RIPK4: variants seen among roughly 807,000 people sequenced by gnomAD.
RIPK4 encodes receptor-interacting serine/threonine-protein kinase 4.
A neutral mutation model predicts 42.9 loss-of-function variants in RIPK4; 17 were observed. That is an observed-to-expected ratio of 0.40 (90% CI 0.27 to 0.59). The LOEUF (loss-of-function observed/expected upper bound fraction) is 0.59. Ranked by LOEUF, RIPK4 falls within the 20% of genes least tolerant of loss-of-function variation. The pLI is 0.47. For synonymous variants in RIPK4, 498 were observed against 499.1 expected, an observed-to-expected ratio of 1.00 and a Z score of 0.03; for missense variants, 897 against 1,104.4, an observed-to-expected ratio of 0.81 and a Z score of 2.66.
intron 7 of RIPK4, among the ~76,000 whole-genome samples, chr21:41,743,393 G>A (rs754195739): frequency 1.3e-5 from 2 of 152,280 alleles, no homozygotes; most frequent in Non-Finnish European, 2.9e-5. Context: ...GGTTTGCAAA[G>A]GTGGCCTGGT....
At chr21:41,758,650 C>T (rs1340836492) in intron 1 of RIPK4, among the ~76,000 whole-genome samples, 1 of 152,250 alleles carries the variant, frequency 6.6e-6, no homozygotes, top group African/African-American at 2.4e-5. Context: ...GTGCCACCAC[C>T]TTGTTTGTAT....
Position 41,751,154 on chromosome 21 carries a change from G to A in RIPK4, c.566C>T (p.Pro189Leu). The change falls in exon 3 of 8, where the codon CCT (proline) becomes CTT (leucine). Residue 189 changes from proline (P) to leucine (L), a missense_variant. Physicochemically the swap from Pro to Leu is moderately conservative, Grantham distance 98 (BLOSUM62 -3). Transcript: ENST00000332512. The surrounding 1 kb of genome is among the most constrained non-coding windows in gnomAD (Gnocchi z 4.5). ...GCTCTTCTCCCTGATGCGCTCTGGA[G>A]GGAGGTAGGCGATTGTGCCAAACAG... Reference protein sequence around the residue: ...DGLFGTIAYLPPERIREKSRL... With the variant: ...DGLFGTIAYLLPERIREKSRL... The A allele has an allele frequency of 6.2e-7, 1 of 1,614,232 alleles. No homozygotes were observed. The highest frequency in any genetic ancestry group is 8.5e-7 in the Non-Finnish European group (1 of 1,180,034).
chr21:41,760,998 C>T, intron 1 of RIPK4, among the ~76,000 whole-genome samples: 1 of 152,214 alleles, frequency 6.6e-6, no homozygotes, highest in East Asian at 1.9e-4. Context: ...GAGCTGAAAG[C>T]TGCCCCATCA....
intron 4 of RIPK4, among the ~76,000 whole-genome samples, chr21:41,748,117 G>A (rs1728034595): frequency 6.6e-6 from 1 of 152,216 alleles, no homozygotes; most frequent in Admixed American, 6.5e-5. Context: ...AAGGCGACAG[G>A]CGGTCAGACA....
At chr21:41,745,915 A>G in intron 5 of RIPK4, 53 bp from the exon 6 acceptor site, 1 of 1,383,226 alleles carries the variant, frequency 7.2e-7, no homozygotes, top group Non-Finnish European at 1.0e-6. Flanking sequence ...CTGCGTACAC[A>G]CGCGTTCCAT....
At position 41,755,355 on chromosome 21, in the gene RIPK4, G is replaced by A. The variant is rs974011987; in HGVS notation, c.474+1170C>T. On this transcript the variant is annotated intron_variant, in intron 2 of 7. Coordinates refer to ENST00000332512, the MANE Select transcript of RIPK4 (RefSeq NM_020639.3). This position sits in a 1 kb window ranked among gnomAD's most constrained non-coding sequence, Gnocchi z 4.2. ...ACAACTTATAATTACTGCCCGAAGTGAAAAATTGACCTCCTCACCACCGCC... is the reference window on the plus strand; with the variant it reads ...ACAACTTATAATTACTGCCCGAAGTAAAAAATTGACCTCCTCACCACCGCC... Among the ~76,000 whole-genome samples the A allele has an allele frequency of 4.6e-5, 7 of 152,180 alleles. No homozygotes were observed. The highest frequency in any genetic ancestry group is 1.7e-4 in the African/African-American group (7 of 41,428).
chr21:41,751,457 C>G lies in RIPK4; in HGVS notation c.475-212G>C, dbSNP rs1303749261. 6.6e-6 allele frequency among the ~76,000 whole-genome samples: 1 copy of G among 152,234 alleles called. No homozygotes were observed. The highest frequency in any genetic ancestry group is 1.5e-5 in the Non-Finnish European group (1 of 68,044). On this transcript the variant is annotated intron_variant, in intron 2 of 7. Coordinates refer to ENST00000332512, the MANE Select transcript of RIPK4 (RefSeq NM_020639.3). This position sits in a 1 kb window ranked among gnomAD's most constrained non-coding sequence, Gnocchi z 4.5. ...GAAGCAAGCCTGGAGGCATTAGGAG[C>G]AGCACATTTGACGGGCAGGTGAAAG... is the stretch of plus-strand genomic sequence containing the variant.
At chr21:41,760,167 G>C (rs2061216479) in intron 1 of RIPK4, among the ~76,000 whole-genome samples, 2 of 152,236 alleles carry the variant, frequency 1.3e-5, no homozygotes, top group Admixed American at 1.3e-4. Flanking sequence ...TGTAAATCAA[G>C]TGAGTGCATT....
chr21:41,745,930 A>C, intron 5 of RIPK4, 68 bp from the exon 6 acceptor site: 22 of 1,218,198 alleles, frequency 1.8e-5, no homozygotes, highest in Non-Finnish European at 2.7e-5. Context: ...TTCCATATAA[A>C]CGCAGGGCCC....
Position 41,751,393 on chromosome 21 carries a change from G to T in RIPK4, c.475-148C>A. On this transcript the variant is annotated intron_variant, in intron 2 of 7. Coordinates refer to ENST00000332512, the MANE Select transcript of RIPK4 (RefSeq NM_020639.3). This position sits in a 1 kb window ranked among gnomAD's most constrained non-coding sequence, Gnocchi z 4.5. ...AGCCGTGTCTGTGCCTCTCCAGGTAGCCCTGCCCCAGGCAGGGAGGGAGAC... is the reference window on the plus strand; with the variant it reads ...AGCCGTGTCTGTGCCTCTCCAGGTATCCCTGCCCCAGGCAGGGAGGGAGAC... 1 of 1,080,990 alleles carries T rather than the reference G, an allele frequency of 9.3e-7. No homozygotes were observed. The allele number at this position is 1,080,990 out of a possible 1,614,324, so 67.0% of individuals were successfully genotyped here.
rs2053371605 is a variant in RIPK4 at position 41,741,266 on chromosome 21, C to G, written c.1927G>C (p.Val643Leu). 1 of 1,608,316 alleles carries G rather than the reference C, an allele frequency of 6.2e-7. No individual in the cohort carries two copies. The highest frequency in any genetic ancestry group is 1.3e-5 in the African/African-American group (1 of 74,900). Residue 643 changes from valine (V) to leucine (L), a missense_variant, in exon 8 of 8, where the codon GTG becomes CTG. Coordinates refer to ENST00000332512, the MANE Select transcript of RIPK4 (RefSeq NM_020639.3). The stretch of plus-strand genomic sequence containing the variant: ...CTCGTGTGCCCCGTCTCCGCGGCCA[C>G]GTGCAGGGGTGTCTGTGCCAGCAGG... ...CSLLAQTPLHVAAETGHTSTA... is the reference protein window; with the variant it reads ...CSLLAQTPLHLAAETGHTSTA...
chr21:41,762,199 A>G (rs2061222665), intron 1 of RIPK4, among the ~76,000 whole-genome samples: 1 of 152,156 alleles, frequency 6.6e-6, no homozygotes, highest in East Asian at 1.9e-4. Context: ...AAAAAAAGTC[A>G]TTGTTTCCGT....
Position 41,751,980 on chromosome 21 carries a change from G to T in RIPK4, c.475-735C>A, listed in dbSNP as rs1348908872. Among the ~76,000 whole-genome samples the T allele has an allele frequency of 6.6e-6, 1 of 152,054 alleles. No homozygotes were observed. Among genetic ancestry groups the T allele is most frequent in the African/African-American group, 2.4e-5 (1 of 41,408 alleles). The stretch of plus-strand genomic sequence containing the variant: ...CAACGTCCGCATTCAGGGGAGGCAG[G>T]TCTCAGGTCTCCTTCGGGCAAAGGT... On this transcript the variant is annotated intron_variant, in intron 2 of 7. Transcript: ENST00000332512. This position sits in a 1 kb window ranked among gnomAD's most constrained non-coding sequence, Gnocchi z 4.5.
chr21:41,748,716 G>C (rs571368690), intron 4 of RIPK4, among the ~76,000 whole-genome samples: 2 of 152,310 alleles, frequency 1.3e-5, no homozygotes, highest in East Asian at 1.9e-4. Context: ...ACCAGCACAG[G>C]CAAACCCCTG....
chr21:41,764,429 C>T (rs1186806454), intron 1 of RIPK4, among the ~76,000 whole-genome samples: 1 of 152,028 alleles, frequency 6.6e-6, no homozygotes, highest in Non-Finnish European at 1.5e-5. Flanking sequence ...TGGAAGAGGC[C>T]CAGACCCGTG....
At chr21:41,758,490 C>T (rs13048031) in intron 1 of RIPK4, among the ~76,000 whole-genome samples, 2,685 of 152,282 alleles carry the variant, frequency 0.018, 37 homozygotes, top group Middle Eastern at 0.048. Flanking sequence ...TTTTGGCTCT[C>T]GTGGATAATG....
chr21:41,766,276 G>T (rs531698344), intron 1 of RIPK4, among the ~76,000 whole-genome samples: 1 of 152,200 alleles, frequency 6.6e-6, no homozygotes, highest in Admixed American at 6.5e-5. Context: ...GGGAAGCCTC[G>T]CCCGAGCCAA....
At chr21:41,743,344 T>C (rs2061160350) in intron 7 of RIPK4, among the ~76,000 whole-genome samples, 1 of 152,010 alleles carries the variant, frequency 6.6e-6, no homozygotes, top group South Asian at 2.1e-4. Context: ...CATAAAAAGA[T>C]GAGATTAGCT....
In RIPK4 at chr21:41,741,457, C is replaced by T; in HGVS notation, c.1736G>A (p.Trp579Ter). 3 of 1,612,878 alleles carry T rather than the reference C, an allele frequency of 1.9e-6. No individual in the cohort carries two copies. In the South Asian group the frequency reaches 3.3e-5, roughly 18 times the overall value. ...CTTGACGATGGGCAGGTGGCCCTGC[C>T]AGGCAGCGTAGTGCAGTGGCAGCCA... ...DAWLPLHYAA[W>*]QGHLPIVKLL... The change falls in exon 8 of 8, where the codon TGG becomes TAG. Residue 579 changes from tryptophan (W) to a stop codon, truncating the protein, a stop_gained. Transcript: ENST00000332512. LOFTEE classifies it low-confidence loss of function (END_TRUNC).
Sources: allele counts gnomAD v4.1 joint callset (sites outside exome capture counted in the v4.1 genomes callset), GRCh38; gene constraint gnomAD v4.1.1; non-coding constraint Gnocchi (gnomAD v3.1); transcripts MANE v1.5; gene names NCBI Gene and HGNC (gene_info 2026-07-23, HGNC 2026-07-21).